Variants in PRR7 observed in about 807,000 individuals in gnomAD.
PRR7 encodes the protein proline-rich protein 7.
A neutral mutation model predicts 18.5 loss-of-function variants in PRR7; 8 were observed. The observed-to-expected ratio is 0.43, with a 90% CI of 0.25 to 0.78. The LOEUF is 0.78. Among genes scored for constraint, PRR7 ranks in the 30% least tolerant of loss-of-function variants. The pLI, the probability that PRR7 is intolerant of heterozygous loss-of-function variation, is 0.22. For missense variants in PRR7, 396 were observed against 403.1 expected, an observed-to-expected ratio of 0.98 and a Z score of 0.15; for synonymous variants, 221 against 187.7, an observed-to-expected ratio of 1.18 and a Z score of -1.45.
chr5:177,446,873 T>TC lies in PRR7; in HGVS notation c.-406dup, dbSNP rs1393177519. 6.7e-6 allele frequency: 1 copy of TC among 149,834 alleles called. No individual in the cohort carries two copies. Among genetic ancestry groups the TC allele is most frequent in the African/African-American group, 2.5e-5 (1 of 40,568 alleles). The allele number at this position is 149,834 out of a possible 1,614,324, so 9.3% of individuals were successfully genotyped here. A position where few individuals can be genotyped will look rare whatever the true frequency, so the allele number is the denominator to read the frequency against. ...TCTGCTCCCCCGGGCCGCCGCCGCC[T>TC]CCCCCCGCAGGCCCGGGGCTCTGTC... is the stretch of plus-strand genomic sequence containing the variant. On this transcript the variant is annotated 5_prime_UTR_variant, in exon 1 of 4. Transcript: ENST00000323249. This position sits in a 1 kb window ranked among gnomAD's most constrained non-coding sequence, Gnocchi z 5.3.
intron 1 of PRR7, among the ~76,000 whole-genome samples, chr5:177,448,944 T>C (rs1370571994): frequency 6.6e-6 from 1 of 152,148 alleles, no homozygotes; most frequent in African/African-American, 2.4e-5. Flanking sequence ...GCTCCAGGCA[T>C]TGGAAACCCA....
In PRR7 at chr5:177,455,247, A is replaced by G. The variant is rs370341978; in HGVS notation, c.180A>G (p.Glu60=). ...GCGCCCTAGAGCTGGAGCCCCTCGAACTCGAGGGCAGTCTGGCCGGGAGCC... is the reference window on the plus strand; with the variant it reads ...GCGCCCTAGAGCTGGAGCCCCTCGAGCTCGAGGGCAGTCTGGCCGGGAGCC... ...NLRALELEPL[E]LEGSLAGSPP... is the part of the protein sequence containing the mutation. The change falls in exon 3 of 4, where the codon GAA becomes GAG. Residue 60 remains glutamate, a synonymous_variant. Coordinates refer to ENST00000323249, the MANE Select transcript of PRR7 (RefSeq NM_030567.5). This position sits in a 1 kb window ranked among gnomAD's most constrained non-coding sequence, Gnocchi z 6.9. 6.5e-7 allele frequency: 1 copy of G among 1,549,360 alleles called. No individual in the cohort carries two copies. The highest frequency in any genetic ancestry group is 8.6e-7 in the Non-Finnish European group (1 of 1,156,708).
At chr5:177,453,225 C>A (rs930139888) in intron 1 of PRR7, among the ~76,000 whole-genome samples, 7 of 152,232 alleles carry the variant, frequency 4.6e-5, no homozygotes, top group African/African-American at 1.7e-4. Context: ...CCAGAGTTAC[C>A]TTTTCTGACC....
intron 1 of PRR7, among the ~76,000 whole-genome samples, chr5:177,451,020 TG>T (rs1031802443): frequency 6.6e-6 from 1 of 152,030 alleles, no homozygotes; most frequent in Non-Finnish European, 1.5e-5. Context: ...AGCATGGTGA[TG>T]GGGGCCAGGG....
Position 177,456,183 on chromosome 5 carries a change from A to C in PRR7, c.*62A>C. ...CCTGGCCTGACTGCGGGGCTTTTTA[A>C]ATGCTTCCCTGGACTGCGGGGAGGG... On this transcript the variant is annotated 3_prime_UTR_variant, in exon 4 of 4. Coordinates refer to ENST00000323249, the MANE Select transcript of PRR7 (RefSeq NM_030567.5). 8.9e-7 allele frequency: 1 copy of C among 1,127,438 alleles called. No homozygotes were observed. The highest frequency in any genetic ancestry group is 1.2e-6 in the Non-Finnish European group (1 of 865,176). 69.8% of individuals were successfully genotyped at this position (1,127,438 alleles called of 1,614,324 possible).
At position 177,455,828 on chromosome 5, in the gene PRR7, C is replaced by T. The variant is rs756504144; in HGVS notation, c.532C>T (p.Arg178Cys). 9 of 1,612,190 alleles carry T rather than the reference C, an allele frequency of 5.6e-6. No individual in the cohort carries two copies. Among genetic ancestry groups the T allele is most frequent in the Non-Finnish European group, 6.8e-6 (8 of 1,179,736 alleles). Reference protein sequence around the residue: ...EVLTDTRGLYRKIVTPFLSRR... With the variant: ...EVLTDTRGLYCKIVTPFLSRR... ...GCTCACGGACACGCGCGGCCTCTAC[C>T]GCAAGATCGTCACGCCCTTCCTGAG... Residue 178 changes from arginine (R) to cysteine (C), a missense_variant, in exon 4 of 4, where the codon CGC becomes TGC. Physicochemically the swap from Arg to Cys is radical, Grantham distance 180. Transcript: ENST00000323249. The surrounding 1 kb of genome is among the most constrained non-coding windows in gnomAD (Gnocchi z 6.9).
rs188988651 is a variant in PRR7 at position 177,449,218 on chromosome 5, T to C, written c.-325+2258T>C. ...AGAACTGTGTCCAACCTAAGGGTCCTGTGTCTGAGACCTCTGGTCCGTGGG... is the reference window on the plus strand; with the variant it reads ...AGAACTGTGTCCAACCTAAGGGTCCCGTGTCTGAGACCTCTGGTCCGTGGG... On this transcript the variant is annotated intron_variant, in intron 1 of 3. Coordinates refer to ENST00000323249, the MANE Select transcript of PRR7 (RefSeq NM_030567.5). This position sits in a 1 kb window ranked among gnomAD's most constrained non-coding sequence, Gnocchi z 4.2. Among the ~76,000 whole-genome samples the C allele has an allele frequency of 6.6e-6, 1 of 152,378 alleles. No homozygotes were observed. Among genetic ancestry groups the C allele is most frequent in the African/African-American group, 2.4e-5 (1 of 41,590 alleles).
intron 1 of PRR7, among the ~76,000 whole-genome samples, chr5:177,451,955 T>C (rs1756185939): frequency 6.6e-6 from 1 of 152,200 alleles, no homozygotes; most frequent in South Asian, 2.1e-4. Flanking sequence ...TAGCTTCATC[T>C]TCACCGATGA....
At position 177,455,985 on chromosome 5, in the gene PRR7, G is replaced by A. The variant is rs762162441; in HGVS notation, c.689G>A (p.Cys230Tyr). ...PRPAPPCPAL[C>Y]LQADRGRRVF... The stretch of plus-strand genomic sequence containing the variant: ...CCCGCGCCGCCCTGCCCAGCCCTCT[G>A]CCTGCAGGCCGACCGTGGCCGCCGG... The change falls in exon 4 of 4, where the codon TGC becomes TAC. Residue 230 changes from cysteine to tyrosine, a missense_variant. Physicochemically the swap from Cys to Tyr is radical, Grantham distance 194. Transcript: ENST00000323249. This position sits in a 1 kb window ranked among gnomAD's most constrained non-coding sequence, Gnocchi z 6.9. 2.5e-6 allele frequency: 4 copies of A among 1,587,862 alleles called. No homozygotes were observed. Among genetic ancestry groups the A allele is most frequent in the South Asian group, 1.1e-5 (1 of 88,918 alleles).
Position 177,456,139 on chromosome 5 carries a change from C to G in PRR7, c.*18C>G, listed in dbSNP as rs751147283. ...CCGTATAGAGGGGCGCCCGGCGCCC[C>G]GGGCCCCACCGGCGGACTCCTGGCC... On this transcript the variant is annotated 3_prime_UTR_variant, in exon 4 of 4. Coordinates refer to ENST00000323249, the MANE Select transcript of PRR7 (RefSeq NM_030567.5). 3.5e-6 allele frequency: 5 copies of G among 1,417,794 alleles called. No individual in the cohort carries two copies. Among genetic ancestry groups the G allele is most frequent in the South Asian group, 1.5e-5 (1 of 66,056 alleles). The allele number at this position is 1,417,794 out of a possible 1,614,324, so 87.8% of individuals were successfully genotyped here.
Position 177,456,032 on chromosome 5 carries a change from TCA to T in PRR7, c.737_738del (p.Ser246Ter). On this transcript the variant is annotated frameshift_variant, in exon 4 of 4. Coordinates refer to ENST00000323249, the MANE Select transcript of PRR7 (RefSeq NM_030567.5). LOFTEE classifies it high-confidence loss of function. ...GRRVFPSWTDSELSSREPLEH... is the reference protein window; with the variant it reads ...GRRVFPSWTDXELSSREPLEH... ...CCGGGTCTTCCCCAGCTGGACCGAC[TCA>T]GAGCTCAGCAGCCGCGAGCCCCTGG... 6.3e-7 allele frequency: 1 copy of T among 1,577,488 alleles called. No homozygotes were observed. Among genetic ancestry groups the T allele is most frequent in the Non-Finnish European group, 8.6e-7 (1 of 1,167,696 alleles).
chr5:177,447,829 G>A (rs1315731501), intron 1 of PRR7: 5 of 152,458 alleles, frequency 3.3e-5, no homozygotes, highest in Admixed American at 6.5e-5. Flanking sequence ...CTGAAGCCCA[G>A]GCCAAATGGG....
Position 177,455,725 on chromosome 5 carries a change from G to T in PRR7, c.429G>T (p.Ala143=). The T allele has an allele frequency of 6.3e-7, 1 of 1,579,998 alleles. No individual in the cohort carries two copies. Among genetic ancestry groups the T allele is most frequent in the South Asian group, 1.1e-5 (1 of 88,068 alleles). Residue 143 remains alanine (A), a splice_region_variant and synonymous_variant, in exon 4 of 4, where the codon GCG becomes GCT. Coordinates refer to ENST00000323249, the MANE Select transcript of PRR7 (RefSeq NM_030567.5). The surrounding 1 kb of genome is among the most constrained non-coding windows in gnomAD (Gnocchi z 6.9). ...CTCCGACCGCCTCCCACTCCGCAGC[G>T]GAATCGGACATGTCCAAACCACCGT... ...PPRPWSYPRQ[A]ESDMSKPPCY...
In PRR7 at chr5:177,450,735, T is replaced by C. The variant is rs1756140692; in HGVS notation, c.-324-3221T>C. Among the ~76,000 whole-genome samples the C allele has an allele frequency of 6.6e-6, 1 of 152,196 alleles. No homozygotes were observed. The highest frequency in any genetic ancestry group is 2.4e-5 in the African/African-American group (1 of 41,460). On this transcript the variant is annotated intron_variant, in intron 1 of 3. Transcript: ENST00000323249. This position sits in a 1 kb window ranked among gnomAD's most constrained non-coding sequence, Gnocchi z 6.6. ...GGAGCTCATTCGGGAGGCCAGCACC[T>C]AGGTCAGTGGTTCTCAAAGTGTGCT...
At chr5:177,448,640 C>T (rs531589273) in intron 1 of PRR7, among the ~76,000 whole-genome samples, 13 of 152,324 alleles carry the variant, frequency 8.5e-5, no homozygotes, top group East Asian at 3.9e-4. Flanking sequence ...CCCTGTCTTT[C>T]GGGTCTTGGT....
intron 1 of PRR7, among the ~76,000 whole-genome samples, chr5:177,453,432 C>G (rs149528025): frequency 3.3e-5 from 5 of 152,232 alleles, no homozygotes; most frequent in African/African-American, 1.2e-4. Flanking sequence ...GCTATGGTTC[C>G]TGCCATTGTC....
Position 177,455,049 on chromosome 5 carries a change from C to G in PRR7, c.-19C>G. ...GTGTCCAGTGAAGCGTCTGAGGACC[C>G]GCCGCCCGTGCCGCCGCCATGGTGA... On this transcript the variant is annotated 5_prime_UTR_variant, in exon 3 of 4. Coordinates refer to ENST00000323249, the MANE Select transcript of PRR7 (RefSeq NM_030567.5). The surrounding 1 kb of genome is among the most constrained non-coding windows in gnomAD (Gnocchi z 6.9). 1 of 1,448,916 alleles carries G rather than the reference C, an allele frequency of 6.9e-7. No individual in the cohort carries two copies. The highest frequency in any genetic ancestry group is 9.1e-7 in the Non-Finnish European group (1 of 1,101,572). 89.8% of individuals were successfully genotyped at this position (1,448,916 alleles called of 1,614,324 possible).
At chr5:177,448,745 C>T (rs1376131686) in intron 1 of PRR7, among the ~76,000 whole-genome samples, 1 of 152,222 alleles carries the variant, frequency 6.6e-6, no homozygotes, top group Non-Finnish European at 1.5e-5. Context: ...TCTTCACTTC[C>T]TCCCTCCCTC....
chr5:177,453,001 C>T (rs1581704197), intron 1 of PRR7, among the ~76,000 whole-genome samples: 1 of 152,354 alleles, frequency 6.6e-6, no homozygotes. Context: ...CTGCCACTTA[C>T]ATCTGGCACA....
Sources: gnomAD v4.1 joint callset for allele counts (sites outside exome capture counted in the v4.1 genomes callset) on GRCh38, gnomAD v4.1.1 for gene constraint, Gnocchi (gnomAD v3.1) non-coding constraint, MANE v1.5 for transcripts, NCBI Gene and HGNC (gene_info 2026-07-23, HGNC 2026-07-21) for gene names.